The following SULF1 variants were observed in gnomAD, a reference collection of about 807,000 sequenced individuals.
SULF1 encodes the protein extracellular sulfatase Sulf-1.
A neutral mutation model predicts 110.5 loss-of-function variants in SULF1; 46 were observed. The observed-to-expected ratio is 0.42, with a 90% CI of 0.33 to 0.53. SULF1 has a LOEUF of 0.53. Among genes scored for constraint, SULF1 ranks in the 20% least tolerant of loss-of-function variants. The pLI is 0.12. For missense variants in SULF1, 941 were observed against 1,094.2 expected, an observed-to-expected ratio of 0.86 and a Z score of 1.98; for synonymous variants, 371 against 387.1, an observed-to-expected ratio of 0.96 and a Z score of 0.49.
chr8:69,634,402 T>C (rs1225508125), intron 19 of SULF1, among the ~76,000 whole-genome samples: 1 of 152,212 alleles, frequency 6.6e-6, no homozygotes, highest in Non-Finnish European at 1.5e-5. Flanking sequence ...CATATTTTAC[T>C]TAAAGGGTGC....
At chr8:69,514,039 G>A (rs1811754095) in intron 3 of SULF1, among the ~76,000 whole-genome samples, 1 of 152,128 alleles carries the variant, frequency 6.6e-6, no homozygotes, top group South Asian at 2.1e-4. Context: ...ATCTTTCTGG[G>A]CCTCCATTTC....
chr8:69,590,431 C>T (rs1806811254), intron 8 of SULF1, among the ~76,000 whole-genome samples: 1 of 152,188 alleles, frequency 6.6e-6, no homozygotes, highest in Non-Finnish European at 1.5e-5. Context: ...TCCCAAAGTG[C>T]TGGGATTACA....
rs766082775 is a variant in SULF1 at position 69,624,031 on chromosome 8, G to A, written c.1684G>A (p.Glu562Lys). 9 of 1,614,198 alleles carry A rather than the reference G, an allele frequency of 5.6e-6. No homozygotes were observed. Among genetic ancestry groups the A allele is most frequent in the Non-Finnish European group, 7.6e-6 (9 of 1,180,034 alleles). ...AATATATGACATAAATCTGGAAGAA[G>A]AAGAAGAATTGCAAGTGTTGCAACC... is the stretch of plus-strand genomic sequence containing the variant. ...GEIYDINLEE[E>K]EELQVLQPRN... The change falls in exon 15 of 23, where the codon GAA becomes AAA. Residue 562 changes from glutamate to lysine, a missense_variant. Transcript: ENST00000402687.
intron 21 of SULF1, among the ~76,000 whole-genome samples, chr8:69,639,609 G>A (rs1811309673): frequency 6.6e-6 from 1 of 152,206 alleles, no homozygotes; most frequent in Admixed American, 6.5e-5. Flanking sequence ...AACTAAAGCT[G>A]GCAAGGGCAT....
At position 69,659,461 on chromosome 8, in the gene SULF1, C is replaced by T. The variant is rs1812971597; in HGVS notation, c.*926C>T. 2 of 325,572 alleles carry T rather than the reference C, an allele frequency of 6.1e-6. 1 individual carries two copies. Among genetic ancestry groups the T allele is most frequent in the Admixed American group, 9.3e-5 (2 of 21,522 alleles). The allele number at this position is 325,572 out of a possible 1,614,324, so 20.2% of individuals were successfully genotyped here. On this transcript the variant is annotated 3_prime_UTR_variant, in exon 23 of 23. Coordinates refer to ENST00000402687, the MANE Select transcript of SULF1 (RefSeq NM_001128205.2). ...CAGTAGAAGCTAGTGAGCATGTGAG[C>T]AAGCGGTGTGCACACGGAGACTCAT... is the stretch of plus-strand genomic sequence containing the variant.
intron 8 of SULF1, among the ~76,000 whole-genome samples, chr8:69,594,095 A>G (rs79083170): frequency 0.011 from 1,718 of 151,398 alleles, 43 homozygotes; most frequent in East Asian, 0.1. Flanking sequence ...CTTGTTGCCC[A>G]GGCTGGAGTG....
At chr8:69,568,698 C>T (rs538938618) in intron 5 of SULF1, among the ~76,000 whole-genome samples, 6 of 152,172 alleles carry the variant, frequency 3.9e-5, no homozygotes, top group East Asian at 3.9e-4. Context: ...TGCCTATACC[C>T]GTAAGTACTT....
intron 1 of SULF1, among the ~76,000 whole-genome samples, chr8:69,479,509 A>G (rs1173884099): frequency 6.6e-6 from 1 of 152,220 alleles, no homozygotes; most frequent in African/African-American, 2.4e-5. Flanking sequence ...TATATTACTT[A>G]GAAGAAAGAC....
In SULF1 at chr8:69,575,611, G is replaced by A. The variant is rs936640203; in HGVS notation, c.173-359G>A. Among the ~76,000 whole-genome samples the A allele has an allele frequency of 2.6e-5, 4 of 152,154 alleles. No individual in the cohort carries two copies. The East Asian group carries it at 5.8e-4, about 22-fold the overall frequency. On this transcript the variant is annotated intron_variant, in intron 5 of 22. Transcript: ENST00000402687. Reference sequence around the variant, plus strand: ...TAGATTGCATTTGTGCTGGGCTGGGGGTTTTGATGCTCTGTGTATCAGGCT... The same window carrying A: ...TAGATTGCATTTGTGCTGGGCTGGGAGTTTTGATGCTCTGTGTATCAGGCT...
At chr8:69,650,170 A>T (rs747691242) in intron 22 of SULF1, among the ~76,000 whole-genome samples, 8 of 150,700 alleles carry the variant, frequency 5.3e-5, no homozygotes, top group Non-Finnish European at 1.0e-4. Flanking sequence ...TAATTTTTAA[A>T]AATTTATTTT....
At chr8:69,611,480 A>C (rs889545373) in intron 13 of SULF1, among the ~76,000 whole-genome samples, 1 of 152,166 alleles carries the variant, frequency 6.6e-6, no homozygotes, top group African/African-American at 2.4e-5. Context: ...CCAGGAGATA[A>C]ATCCTCCTGG....
At chr8:69,531,929 T>C (rs981668734) in intron 3 of SULF1, among the ~76,000 whole-genome samples, 1 of 152,144 alleles carries the variant, frequency 6.6e-6, no homozygotes, top group African/African-American at 2.4e-5. Context: ...TGCATTGCTG[T>C]CAGTCTTAGG....
chr8:69,583,791 A>G (rs1339445686), intron 6 of SULF1, among the ~76,000 whole-genome samples: 1 of 152,194 alleles, frequency 6.6e-6, no homozygotes, highest in African/African-American at 2.4e-5. Context: ...CAGCTTCTAT[A>G]TGAACATGAC....
At chr8:69,535,802 C>T (rs554797091) in intron 3 of SULF1, among the ~76,000 whole-genome samples, 58 of 152,132 alleles carry the variant, frequency 3.8e-4, no homozygotes, top group Non-Finnish European at 6.6e-4. Flanking sequence ...GAAGCCGAGG[C>T]GGGCAGATCA....
chr8:69,616,945 G>A (rs1563591615), intron 13 of SULF1, among the ~76,000 whole-genome samples: 2 of 151,984 alleles, frequency 1.3e-5, no homozygotes, highest in African/African-American at 2.4e-5. Flanking sequence ...TTCACTAGCC[G>A]ATTATTTTGC....
At chr8:69,581,331 C>A (rs7015380) in intron 6 of SULF1, among the ~76,000 whole-genome samples, 1 of 152,064 alleles carries the variant, frequency 6.6e-6, no homozygotes, top group Admixed American at 6.5e-5. Flanking sequence ...TTGGGTTAGT[C>A]ACTATTGCTG....
intron 5 of SULF1, among the ~76,000 whole-genome samples, chr8:69,568,733 G>A (rs1452397705): frequency 3.3e-5 from 5 of 152,238 alleles, no homozygotes; most frequent in East Asian, 3.9e-4. Flanking sequence ...AGAATAATGG[G>A]TGGAAGATTT....
intron 3 of SULF1, among the ~76,000 whole-genome samples, chr8:69,526,521 G>C (rs1176720957): frequency 6.6e-6 from 1 of 151,090 alleles, no homozygotes; most frequent in Non-Finnish European, 1.5e-5. Flanking sequence ...CAGCACTTTG[G>C]GAGCCCAAGG....
intron 1 of SULF1, among the ~76,000 whole-genome samples, chr8:69,474,525 A>G (rs1206188898): frequency 6.6e-6 from 1 of 152,194 alleles, no homozygotes; most frequent in Non-Finnish European, 1.5e-5. Context: ...AGTGCATCCC[A>G]CAAAAGACAG....
Sources: gnomAD v4.1 joint callset for allele counts (sites outside exome capture counted in the v4.1 genomes callset) on GRCh38, gnomAD v4.1.1 for gene constraint, MANE v1.5 for transcripts, NCBI Gene and HGNC (gene_info 2026-07-23, HGNC 2026-07-21) for gene names.